Variants in FFAR1 observed in about 807,000 individuals in gnomAD.
The protein encoded by FFAR1 is free fatty acid receptor 1.
For missense variants in FFAR1, 424 were observed against 396.2 expected, an observed-to-expected ratio of 1.07 and a Z score of -0.60; for synonymous variants, 216 against 201.5, an observed-to-expected ratio of 1.07 and a Z score of -0.61.
chr19:35,350,963 C>T (rs1381980232), upstream of FFAR1, among the ~76,000 whole-genome samples: 1 of 152,184 alleles, frequency 6.6e-6, no homozygotes, highest in Non-Finnish European at 1.5e-5. Flanking sequence ...CTGGCTGACC[C>T]TTGGGCTCTC....
At chr19:35,352,585 G>C in exon 1 of FFAR1, 5 of 973,860 alleles carry the variant, frequency 5.1e-6, no homozygotes, top group South Asian at 5.1e-5. Flanking sequence ...CTCAAGCAGA[G>C]AGCGGCGCCT....
chr19:35,349,303 C>T (rs902654999), upstream of FFAR1, among the ~76,000 whole-genome samples: 3 of 152,168 alleles, frequency 2.0e-5, no homozygotes, highest in African/African-American at 4.8e-5. Flanking sequence ...GGAAGGCCCT[C>T]GGAGAAGGTG....
chr19:35,349,078 C>G (rs1160831593), upstream of FFAR1, among the ~76,000 whole-genome samples: 1 of 152,174 alleles, frequency 6.6e-6, no homozygotes, highest in Non-Finnish European at 1.5e-5. Flanking sequence ...CCTCCACAAC[C>G]CCAGCTCTCA....
exon 1 of FFAR1, chr19:35,352,492 C>T (rs372542737): frequency 6.5e-7 from 1 of 1,534,684 alleles, no homozygotes; most frequent in Non-Finnish European, 8.8e-7. Flanking sequence ...GGCAGGAGGG[C>T]CCGGCTGCTT....
In FFAR1 at chr19:35,352,106, CCT is replaced by C; in HGVS notation, c.563_564del (p.Leu188ProfsTer84). 6.2e-7 allele frequency: 1 copy of C among 1,612,432 alleles called. No individual in the cohort carries two copies. The highest frequency in any genetic ancestry group is 8.5e-7 in the Non-Finnish European group (1 of 1,179,910). ...CCTCTGCCGGCCCGGCCCGCTTCAG[CCT>C]CTCTCTCCTGCTCTTTTTTCTGCCC... On this transcript the variant is annotated frameshift_variant, in exon 1 of 1. Transcript: ENST00000246553. LOFTEE classifies it high-confidence loss of function.
chr19:35,352,149 T>C, exon 1 of FFAR1: 3 of 1,610,316 alleles, frequency 1.9e-6, no homozygotes, highest in Non-Finnish European at 2.5e-6. Flanking sequence ...CATCACAGCC[T>C]TCTGCTACGT....
At position 35,352,171 on chromosome 19, in the gene FFAR1, G is replaced by C. The variant is rs776047449; in HGVS notation, c.620G>C (p.Arg207Pro). 101 of 1,608,272 alleles carry C rather than the reference G, an allele frequency of 6.3e-5. No homozygotes were observed. The highest frequency in any genetic ancestry group is 8.5e-5 in the Non-Finnish European group (100 of 1,179,048). The stretch of plus-strand genomic sequence containing the variant: ...GCCTTCTGCTACGTGGGCTGCCTCC[G>C]GGCACTGGCCCGCTCCGGCCTGACG... The change falls in exon 1 of 1, where the codon CGG becomes CCG. Residue 207 changes from arginine (R) to proline (P), a missense_variant. Coordinates refer to ENST00000246553, the Ensembl canonical transcript of FFAR1.
chr19:35,350,541 C>G (rs1299072147), upstream of FFAR1, among the ~76,000 whole-genome samples: 1 of 152,248 alleles, frequency 6.6e-6, no homozygotes, highest in Admixed American at 6.5e-5. Context: ...GTGGCCGAGC[C>G]CCCAAGCCCT....
At chr19:35,352,182 C>G in exon 1 of FFAR1, 2 of 1,606,902 alleles carry the variant, frequency 1.2e-6, no homozygotes, top group Non-Finnish European at 1.7e-6. Flanking sequence ...GGCACTGGCC[C>G]GCTCCGGCCT....
chr19:35,350,077 A>G (rs1037034346), upstream of FFAR1, among the ~76,000 whole-genome samples: 3 of 152,116 alleles, frequency 2.0e-5, no homozygotes, highest in African/African-American at 7.2e-5. Flanking sequence ...GTCCCCAGCC[A>G]TGCACCCTGG....
Position 35,352,259 on chromosome 19 carries a change from C to A in FFAR1, c.708C>A (p.Cys236Ter). Residue 236 changes from cysteine to a stop codon, truncating the protein, a stop_gained, in exon 1 of 1, where the codon TGC becomes TGA. Transcript: ENST00000246553. LOFTEE classifies it low-confidence loss of function (END_TRUNC). The stretch of plus-strand genomic sequence containing the variant: ...GGGCCCTCCTCACGCTGCTGCTCTG[C>A]GTAGGACCCTACAACGCCTCCAACG... 1.9e-6 allele frequency: 3 copies of A among 1,554,464 alleles called. No homozygotes were observed. The highest frequency in any genetic ancestry group is 2.4e-5 in the East Asian group (1 of 41,320).
chr19:35,352,765 C>G (rs2066951366), exon 1 of FFAR1: 1 of 441,718 alleles, frequency 2.3e-6, no homozygotes, highest in African/African-American at 2.0e-5. Flanking sequence ...CGAGCAGAGG[C>G]CTTGTACTTA....
chr19:35,351,994 G>A, exon 1 of FFAR1: 1 of 1,614,124 alleles, frequency 6.2e-7, no homozygotes, highest in Non-Finnish European at 8.5e-7. Flanking sequence ...GAGGCTCCAG[G>A]AGGCTGGCTG....
Position 35,351,986 on chromosome 19 carries a change from GGCTCCA to G in FFAR1, c.437_442del (p.Ala146_Pro147del). 6 of 1,614,138 alleles carry G rather than the reference GGCTCCA, an allele frequency of 3.7e-6. No homozygotes were observed. In the South Asian group the frequency reaches 5.5e-5, roughly 15 times the overall value. ...ACCTGGGTCTGGTCTTTGGGTTGGA[GGCTCCA>G]GGAGGCTGGCTGGACCACAGCAACA... is the stretch of plus-strand genomic sequence containing the variant. On this transcript the variant is annotated inframe_deletion, in exon 1 of 1. Transcript: ENST00000246553.
chr19:35,352,136 G>C (rs567142594), exon 1 of FFAR1: 1 of 1,611,246 alleles, frequency 6.2e-7, no homozygotes, highest in East Asian at 2.2e-5. Flanking sequence ...TTCTGCCCTT[G>C]GCCATCACAG....
chr19:35,352,566 C>A, exon 1 of FFAR1: 1 of 1,191,746 alleles, frequency 8.4e-7, no homozygotes, highest in Non-Finnish European at 1.2e-6. Flanking sequence ...GGAGGCCTCC[C>A]TGGAGCCACT....
At chr19:35,350,670 C>G (rs1226869904), upstream of FFAR1, among the ~76,000 whole-genome samples, 2 of 152,224 alleles carry the variant, frequency 1.3e-5, no homozygotes, top group African/African-American at 2.4e-5. Flanking sequence ...CGTGGCCTCA[C>G]CTCCAGCCGG....
chr19:35,352,177 T>G, exon 1 of FFAR1: 1 of 1,607,356 alleles, frequency 6.2e-7, no homozygotes, highest in Non-Finnish European at 8.5e-7. Context: ...CTCCGGGCAC[T>G]GGCCCGCTCC....
chr19:35,351,614 G>A (rs1245291810), exon 1 of FFAR1: 4 of 1,542,408 alleles, frequency 2.6e-6, no homozygotes, highest in Non-Finnish European at 2.6e-6. Flanking sequence ...TGGGCTTCCC[G>A]CTCAACGTCC....
Sources: allele counts gnomAD v4.1 joint callset (sites outside exome capture counted in the v4.1 genomes callset), GRCh38; gene constraint gnomAD v4.1.1; transcripts MANE v1.5; gene names NCBI Gene and HGNC (gene_info 2026-07-23, HGNC 2026-07-21).